C12orf42: variants seen among roughly 807,000 people sequenced by gnomAD.
C12orf42 encodes chromosome 12 open reading frame 42.
C12orf42 carries 25 observed loss-of-function variants against 21.6 expected under a neutral mutation model. The ratio of observed to expected loss-of-function variants is 1.16; its 90% confidence interval spans 0.84 to 1.62. C12orf42 has a LOEUF of 1.62. Among genes scored for constraint, C12orf42 ranks in the 40% most tolerant of loss-of-function variants. C12orf42 has a pLI of 0.00. For synonymous variants in C12orf42, 174 were observed against 175.0 expected (o/e 0.99, Z 0.05); for missense variants, 483 against 459.3 (o/e 1.05, Z -0.47).
the C12orf42 span, among the ~76,000 whole-genome samples, chr12:103,223,349 T>C: frequency 6.6e-6 from 1 of 152,064 alleles, no homozygotes; most frequent in African/African-American, 2.4e-5. Context: ...GAAACATTTG[T>C]CGTATAGAAT....
chr12:103,090,333 G>A, the C12orf42 span, among the ~76,000 whole-genome samples: 3 of 152,122 alleles, frequency 2.0e-5, no homozygotes, highest in African/African-American at 4.8e-5. Flanking sequence ...AGTCACCACC[G>A]AATTAAATGC....
At chr12:103,554,115 C>G in the C12orf42 span, among the ~76,000 whole-genome samples, 73 of 152,234 alleles carry the variant, frequency 4.8e-4, no homozygotes, top group African/African-American at 1.7e-3. Flanking sequence ...TGTGATCTCT[C>G]TTAAAGACTC....
chr12:103,121,737 G>A, the C12orf42 span, among the ~76,000 whole-genome samples: 1 of 152,054 alleles, frequency 6.6e-6, no homozygotes, highest in Non-Finnish European at 1.5e-5. Flanking sequence ...TACTCCCAAG[G>A]GTTTGAAATT....
At chr12:103,200,285 G>A in the C12orf42 span, among the ~76,000 whole-genome samples, 3 of 152,142 alleles carry the variant, frequency 2.0e-5, no homozygotes, top group Non-Finnish European at 4.4e-5. Context: ...TTAGTCAAAC[G>A]CTTAGAAGTA....
chr12:103,187,558 T>C, the C12orf42 span, among the ~76,000 whole-genome samples: 4 of 152,302 alleles, frequency 2.6e-5, no homozygotes, highest in East Asian at 7.7e-4. Context: ...AAACATATAC[T>C]TTTGTTTTGC....
chr12:103,403,078 A>T (rs2048144515), intron 2 of C12orf42, among the ~76,000 whole-genome samples: 1 of 152,186 alleles, frequency 6.6e-6, no homozygotes, highest in African/African-American at 2.4e-5. Context: ...CAATCAATGC[A>T]CTTAAAGAAT....
the C12orf42 span, among the ~76,000 whole-genome samples, chr12:103,221,820 A>T: frequency 2.6e-5 from 4 of 152,040 alleles, no homozygotes; most frequent in Non-Finnish European, 5.9e-5. Context: ...TGATTCCTTG[A>T]CCTCAGGGCA....
At chr12:103,532,229 T>G in the C12orf42 span, among the ~76,000 whole-genome samples, 1 of 152,188 alleles carries the variant, frequency 6.6e-6, no homozygotes. Flanking sequence ...GCTCCATAAT[T>G]TTTCACACCC....
chr12:103,452,035 T>C (rs1461375720), intron 2 of C12orf42, among the ~76,000 whole-genome samples: 1 of 152,004 alleles, frequency 6.6e-6, no homozygotes, highest in East Asian at 1.9e-4. Context: ...ATGGGTCCAC[T>C]GAGAATTTCT....
the C12orf42 span, among the ~76,000 whole-genome samples, chr12:103,529,211 A>G: frequency 2.0e-5 from 3 of 152,350 alleles, no homozygotes; most frequent in South Asian, 2.1e-4. Context: ...ACAGTAGCAC[A>G]AGATCTCAAC....
intron 1 of C12orf42, among the ~76,000 whole-genome samples, chr12:103,494,343 CAAG>C (rs1380986390): frequency 6.6e-6 from 1 of 152,160 alleles, no homozygotes; most frequent in Non-Finnish European, 1.5e-5. Context: ...AATCAAGAAA[CAAG>C]AAGTTTTCTG....
chr12:103,099,515 A>G, the C12orf42 span, among the ~76,000 whole-genome samples: 2 of 152,220 alleles, frequency 1.3e-5, no homozygotes, highest in Admixed American at 1.3e-4. Flanking sequence ...GGGTGAGCTA[A>G]GGAGTTAAGA....
the C12orf42 span, among the ~76,000 whole-genome samples, chr12:103,557,042 G>A: frequency 6.6e-6 from 1 of 151,958 alleles, no homozygotes; most frequent in African/African-American, 2.4e-5. Flanking sequence ...CTCCAGAACT[G>A]TGAAAGAATA....
intron 3 of C12orf42, among the ~76,000 whole-genome samples, chr12:103,372,702 C>A (rs987513879): frequency 1.3e-5 from 2 of 152,106 alleles, no homozygotes; most frequent in African/African-American, 4.8e-5. Context: ...CCCCATCTCA[C>A]AGGACTCTCT....
At chr12:103,272,772 A>G (rs1454456965) in intron 5 of C12orf42, among the ~76,000 whole-genome samples, 1 of 152,164 alleles carries the variant, frequency 6.6e-6, no homozygotes, top group Non-Finnish European at 1.5e-5. Flanking sequence ...ACAGGAGAAA[A>G]CTGGGGTCCA....
chr12:103,182,911 C>G, the C12orf42 span, among the ~76,000 whole-genome samples: 2 of 152,150 alleles, frequency 1.3e-5, no homozygotes, highest in Admixed American at 6.5e-5. Context: ...TCTGTCTGTG[C>G]ATTTAGTTCT....
intron 2 of C12orf42, among the ~76,000 whole-genome samples, chr12:103,454,059 C>T (rs868695424): frequency 2.7e-4 from 41 of 152,140 alleles, no homozygotes; most frequent in African/African-American, 9.9e-4. Context: ...CGTACAAGGT[C>T]CTGAGCTATA....
intron 2 of C12orf42, among the ~76,000 whole-genome samples, chr12:103,418,412 G>A (rs1318936176): frequency 1.3e-5 from 2 of 152,310 alleles, no homozygotes; most frequent in East Asian, 3.9e-4. Flanking sequence ...CATGGAGCAG[G>A]AGATCCTTTT....
chr12:103,060,172 T>A, the C12orf42 span, among the ~76,000 whole-genome samples: 5 of 152,040 alleles, frequency 3.3e-5, no homozygotes, highest in East Asian at 7.7e-4. Flanking sequence ...TCACAAGCAT[T>A]CCTGTACACC....
Sources: gnomAD v4.1 joint callset for allele counts (sites outside exome capture counted in the v4.1 genomes callset) on GRCh38, gnomAD v4.1.1 for gene constraint, MANE v1.5 for transcripts, NCBI Gene and HGNC (gene_info 2026-07-23, HGNC 2026-07-21) for gene names.